NEBL: variants seen among roughly 807,000 people sequenced by gnomAD.
The protein encoded by NEBL is LIM and SH3 protein 2.
In NEBL, 122 loss-of-function variants were observed where a neutral mutation model predicts 140.2. The ratio of observed to expected loss-of-function variants is 0.87; its 90% CI spans 0.75 to 1.01. The LOEUF is 1.01. Ranked by LOEUF, NEBL falls within the 50% of genes least tolerant of loss-of-function variation. The probability of loss-of-function intolerance (pLI) is 0.00; values close to 1 mark genes in which losing one functional copy is unlikely to be tolerated. For synonymous variants in NEBL, 436 were observed against 398.9 expected, an observed-to-expected ratio of 1.09 and a Z score of -1.11; for missense variants, 1,365 against 1,231.3, an observed-to-expected ratio of 1.11 and a Z score of -1.62.
At chr10:20,817,308 A>G (rs923901384) in intron 21 of NEBL, among the ~76,000 whole-genome samples, 1 of 152,178 alleles carries the variant, frequency 6.6e-6, no homozygotes, top group African/African-American at 2.4e-5. Flanking sequence ...CAAAGGTTGC[A>G]GTGAGTCAAG....
chr10:21,287,111 G>A (rs1354903647), intron 1 of NEBL, among the ~76,000 whole-genome samples: 3 of 152,176 alleles, frequency 2.0e-5, no homozygotes, highest in African/African-American at 7.2e-5. Context: ...AGAAGCAACC[G>A]TTAACAGAGA....
At position 21,093,498 on chromosome 10, in the gene NEBL, T is replaced by C. The variant is rs562112948; in HGVS notation, c.165-73297A>G. Among the ~76,000 whole-genome samples, 12 of 152,290 alleles carry C rather than the reference T, an allele frequency of 7.9e-5. No homozygotes were observed. The South Asian group carries it at 1.4e-3, about 18-fold the overall frequency. ...CATCGGCACTGAAAAAATCCATCAG[T>C]GTTCATAAGCTGCTAAGCTTGTGTA... On this transcript the variant is annotated intron_variant, in intron 2 of 6. Coordinates refer to the NEBL transcript ENST00000417816.
At chr10:20,818,090 T>C (rs564424115) in intron 20 of NEBL, among the ~76,000 whole-genome samples, 1 of 152,158 alleles carries the variant, frequency 6.6e-6, no homozygotes, top group Non-Finnish European at 1.5e-5. Context: ...GCTTCTCCCT[T>C]CAATAGAAGC....
At chr10:21,292,314 C>T (rs11012644) in intron 1 of NEBL, among the ~76,000 whole-genome samples, 14 of 151,928 alleles carry the variant, frequency 9.2e-5, no homozygotes, top group Non-Finnish European at 1.8e-4. Flanking sequence ...ATCAAGTTGG[C>T]CATTAAAGGG....
chr10:21,274,263 G>A (rs1564553849), intron 1 of NEBL, among the ~76,000 whole-genome samples: 1 of 152,076 alleles, frequency 6.6e-6, no homozygotes, highest in Non-Finnish European at 1.5e-5. Flanking sequence ...ATGGGTGATG[G>A]CCCCAGACAG....
Position 20,892,046 on chromosome 10 carries a change from T to C in NEBL, c.154-2097A>G, listed in dbSNP as rs542908815. Among the ~76,000 whole-genome samples, 3 of 152,350 alleles carry C rather than the reference T, an allele frequency of 2.0e-5. No homozygotes were observed. The East Asian group carries it at 5.8e-4, about 29-fold the overall frequency. On this transcript the variant is annotated intron_variant, in intron 2 of 27. Transcript: ENST00000377122. ...ATTGCTATATTTTATTACAGCCATGTCTACATCTTACAATTTCGGGTTGAC... is the reference window on the plus strand; with the variant it reads ...ATTGCTATATTTTATTACAGCCATGCCTACATCTTACAATTTCGGGTTGAC...
intron 4 of NEBL, among the ~76,000 whole-genome samples, chr10:20,930,281 C>A (rs1169608197): frequency 1.3e-5 from 2 of 152,158 alleles, no homozygotes; most frequent in African/African-American, 4.8e-5. Context: ...TCCCTCATTA[C>A]AAACATTTCA....
chr10:21,243,434 G>T (rs1842468480), intron 3 of NEBL, among the ~76,000 whole-genome samples: 1 of 151,484 alleles, frequency 6.6e-6, no homozygotes, highest in Non-Finnish European at 1.5e-5. Flanking sequence ...AGCCTCTGAA[G>T]TAGCTGGGAT....
At chr10:20,873,241 AC>A (rs1845157868) in intron 5 of NEBL, among the ~76,000 whole-genome samples, 1 of 152,050 alleles carries the variant, frequency 6.6e-6, no homozygotes, top group African/African-American at 2.4e-5. Flanking sequence ...ATAAATTCAA[AC>A]CCTAAATGCT....
At chr10:21,067,642 G>A (rs995831374) in intron 2 of NEBL, among the ~76,000 whole-genome samples, 2 of 152,094 alleles carry the variant, frequency 1.3e-5, no homozygotes, top group Non-Finnish European at 2.9e-5. Context: ...CAAGGGAGAA[G>A]GGGGGACCTC....
At chr10:21,249,173 C>T (rs1842555681) in intron 2 of NEBL, among the ~76,000 whole-genome samples, 1 of 152,128 alleles carries the variant, frequency 6.6e-6, no homozygotes, top group Non-Finnish European at 1.5e-5. Flanking sequence ...GAGTTACAGG[C>T]ATGAGCACCA....
intron 4 of NEBL, among the ~76,000 whole-genome samples, chr10:20,915,019 T>C (rs1230890599): frequency 7.3e-6 from 1 of 137,228 alleles, no homozygotes; most frequent in East Asian, 2.1e-4. Context: ...GCCAGGCTGG[T>C]CTCAAACTCC....
intron 4 of NEBL, among the ~76,000 whole-genome samples, chr10:20,954,375 T>C (rs905637307): frequency 1.3e-5 from 2 of 152,312 alleles, no homozygotes; most frequent in Admixed American, 6.5e-5. Flanking sequence ...TGGGTCTGTA[T>C]AGAAAAAAAG....
intron 2 of NEBL, among the ~76,000 whole-genome samples, chr10:21,090,721 C>T (rs17813896): frequency 0.017 from 2,653 of 152,222 alleles, 35 homozygotes; most frequent in Middle Eastern, 0.041. Context: ...GCTGAATGGC[C>T]GCCCTATCGC....
At chr10:21,163,610 C>G (rs570391156) in intron 2 of NEBL, among the ~76,000 whole-genome samples, 2 of 152,296 alleles carry the variant, frequency 1.3e-5, no homozygotes, top group East Asian at 3.9e-4. Flanking sequence ...GTTCAGTCAT[C>G]CTATTTCTCC....
intron 3 of NEBL, among the ~76,000 whole-genome samples, chr10:21,018,725 T>C (rs1215434723): frequency 6.6e-6 from 1 of 152,098 alleles, no homozygotes; most frequent in Non-Finnish European, 1.5e-5. Flanking sequence ...GAGAGCTGCC[T>C]GCTCTCATTA....
intron 3 of NEBL, among the ~76,000 whole-genome samples, chr10:21,014,801 A>G (rs1838489127): frequency 6.6e-6 from 1 of 152,216 alleles, no homozygotes; most frequent in Admixed American, 6.5e-5. Flanking sequence ...CATTTCTCCC[A>G]AAAGATGTTT....
chr10:20,832,221 A>G (rs1455515156), intron 14 of NEBL, among the ~76,000 whole-genome samples: 2 of 152,190 alleles, frequency 1.3e-5, no homozygotes, highest in Non-Finnish European at 2.9e-5. Flanking sequence ...AAATCATTAT[A>G]CCCCATCACC....
At chr10:21,235,593 G>C (rs1363131317) in intron 3 of NEBL, among the ~76,000 whole-genome samples, 1 of 152,176 alleles carries the variant, frequency 6.6e-6, no homozygotes, top group African/African-American at 2.4e-5. Context: ...GGGATAACAG[G>C]CGTAAGCCAC....
Sources: gnomAD v4.1 joint callset for allele counts (sites outside exome capture counted in the v4.1 genomes callset) on GRCh38, gnomAD v4.1.1 for gene constraint, MANE v1.5 for transcripts, NCBI Gene and HGNC (gene_info 2026-07-23, HGNC 2026-07-21) for gene names.